The following MDFIC2 variants were observed in gnomAD, a reference collection of about 807,000 sequenced individuals.
MDFIC2 encodes myoD family inhibitor domain-containing protein 2.
intron 2 of MDFIC2, among the ~76,000 whole-genome samples, chr3:70,269,931 T>G (rs1399219440): frequency 6.6e-6 from 1 of 152,018 alleles, no homozygotes; most frequent in East Asian, 1.9e-4. Context: ...AAATAAATAT[T>G]CATCTCAAGA....
intron 2 of MDFIC2, among the ~76,000 whole-genome samples, chr3:70,213,795 G>T (rs79180085): frequency 6.6e-6 from 1 of 152,038 alleles, no homozygotes; most frequent in Non-Finnish European, 1.5e-5. Context: ...ATGATCAAAC[G>T]TGGTGAAAAT....
At chr3:70,206,113 G>T (rs2106724034) in intron 3 of MDFIC2, among the ~76,000 whole-genome samples, 1 of 152,112 alleles carries the variant, frequency 6.6e-6, no homozygotes, top group African/African-American at 2.4e-5. Flanking sequence ...ATAGATTGCT[G>T]ATGAGATTGC....
At chr3:70,266,193 G>T (rs2106666273) in intron 2 of MDFIC2, among the ~76,000 whole-genome samples, 1 of 152,016 alleles carries the variant, frequency 6.6e-6, no homozygotes, top group South Asian at 2.1e-4. Context: ...AAACATTTAT[G>T]TTTTTTTATT....
At chr3:70,309,903 A>ATTCTT (rs1417967659) in intron 2 of MDFIC2, among the ~76,000 whole-genome samples, 6 of 152,210 alleles carry the variant, frequency 3.9e-5, no homozygotes, top group Non-Finnish European at 7.3e-5. Flanking sequence ...AATGGACACG[A>ATTCTT]TTCTTTTTTT....
chr3:70,285,079 T>C (rs1355951974), intron 2 of MDFIC2, among the ~76,000 whole-genome samples: 4 of 152,072 alleles, frequency 2.6e-5, no homozygotes, highest in Non-Finnish European at 5.9e-5. Context: ...TATTATACTT[T>C]AAGTTTTAGG....
chr3:70,291,945 T>A (rs1575617683), intron 2 of MDFIC2: 4 of 152,350 alleles, frequency 2.6e-5, no homozygotes, highest in African/African-American at 2.4e-5. Context: ...TTTGCAGTGG[T>A]CCTGCTTTAT....
chr3:70,309,663 T>C (rs1365528983), intron 2 of MDFIC2, among the ~76,000 whole-genome samples: 2 of 152,174 alleles, frequency 1.3e-5, no homozygotes, highest in East Asian at 3.9e-4. Context: ...TGCCAACCCA[T>C]ATACTTTTTC....
chr3:70,206,294 G>C (rs542283339), intron 3 of MDFIC2, among the ~76,000 whole-genome samples: 5 of 151,966 alleles, frequency 3.3e-5, no homozygotes, highest in Admixed American at 1.3e-4. Flanking sequence ...TTCTTTATCT[G>C]CCTCATAGCC....
chr3:70,238,788 A>G (rs1701637544), intron 2 of MDFIC2, among the ~76,000 whole-genome samples: 1 of 152,082 alleles, frequency 6.6e-6, no homozygotes, highest in African/African-American at 2.4e-5. Flanking sequence ...TGAGTCTACA[A>G]ATTCCCTCTT....
chr3:70,297,978 C>T (rs1251380086), intron 2 of MDFIC2, among the ~76,000 whole-genome samples: 1 of 151,964 alleles, frequency 6.6e-6, no homozygotes, highest in Admixed American at 6.6e-5. Context: ...CTTAAATAAT[C>T]AGGGGAGAAA....
At chr3:70,263,863 C>T (rs1701890397) in intron 2 of MDFIC2, among the ~76,000 whole-genome samples, 1 of 152,122 alleles carries the variant, frequency 6.6e-6, no homozygotes, top group African/African-American at 2.4e-5. Context: ...GTGGAACTCA[C>T]TTTGTTTCCT....
chr3:70,227,129 T>C (rs1546735), intron 2 of MDFIC2, among the ~76,000 whole-genome samples: 92,965 of 152,026 alleles, frequency 0.61, 29,393 homozygotes, highest in East Asian at 1. Flanking sequence ...TGTAAGATAC[T>C]TGAAATACAG....
At chr3:70,294,729 A>T (rs1165105234) in intron 2 of MDFIC2, among the ~76,000 whole-genome samples, 1 of 152,168 alleles carries the variant, frequency 6.6e-6, no homozygotes, top group Non-Finnish European at 1.5e-5. Flanking sequence ...TCAATGGCAC[A>T]ACACCACTTT....
intron 2 of MDFIC2, among the ~76,000 whole-genome samples, chr3:70,223,324 G>A (rs1327779019): frequency 6.6e-6 from 1 of 151,930 alleles, no homozygotes; most frequent in African/African-American, 2.4e-5. Context: ...TGACTCCCAA[G>A]CCCTATCTCT....
At chr3:70,200,567 C>A (rs1701227413) in intron 3 of MDFIC2, among the ~76,000 whole-genome samples, 1 of 152,168 alleles carries the variant, frequency 6.6e-6, no homozygotes. Context: ...AAACACCTTC[C>A]CTTTAAATCA....
At chr3:70,236,342 A>C (rs1323209506) in intron 2 of MDFIC2, among the ~76,000 whole-genome samples, 1 of 152,010 alleles carries the variant, frequency 6.6e-6, no homozygotes, top group African/African-American at 2.4e-5. Context: ...CATATTGTTC[A>C]CTCATATATA....
chr3:70,213,611 G>T (rs1701372016), intron 2 of MDFIC2, among the ~76,000 whole-genome samples: 2 of 152,056 alleles, frequency 1.3e-5, no homozygotes, highest in Non-Finnish European at 2.9e-5. Context: ...GTTAGTAAAA[G>T]GAGTTAATTG....
chr3:70,291,452 G>A (rs1702238996), intron 2 of MDFIC2, among the ~76,000 whole-genome samples: 1 of 152,116 alleles, frequency 6.6e-6, no homozygotes, highest in Non-Finnish European at 1.5e-5. Flanking sequence ...TTCTCCAGAT[G>A]GACCTAGAAT....
intron 2 of MDFIC2, among the ~76,000 whole-genome samples, chr3:70,250,076 G>A (rs1250854510): frequency 1.3e-5 from 2 of 152,152 alleles, no homozygotes; most frequent in African/African-American, 4.8e-5. Context: ...GTCAGGTTGT[G>A]CAAATTTTAC....
Sources: gnomAD v4.1 joint callset for allele counts (sites outside exome capture counted in the v4.1 genomes callset) on GRCh38, gnomAD v4.1.1 for gene constraint, MANE v1.5 for transcripts, NCBI Gene and HGNC (gene_info 2026-07-23, HGNC 2026-07-21) for gene names.